ZMYND11: variants seen among roughly 807,000 people sequenced by gnomAD.
ZMYND11 encodes the protein zinc finger MYND domain-containing protein 11.
A neutral mutation model predicts 84.9 loss-of-function variants in ZMYND11; 9 were observed. The ratio of observed to expected loss-of-function variants is 0.11; its 90% CI spans 0.06 to 0.18. The LOEUF is 0.18. Ranked by LOEUF, ZMYND11 falls within the 10% of genes least tolerant of loss-of-function variation. The pLI is 1.00. For missense variants in ZMYND11, 409 were observed against 761.0 expected (o/e 0.54, Z 5.44); for synonymous variants, 250 against 244.1 (o/e 1.02, Z -0.23).
chr10:220,441 A>AT (rs1279596038), intron 3 of ZMYND11, among the ~76,000 whole-genome samples: 4 of 152,208 alleles, frequency 2.6e-5, no homozygotes, highest in African/African-American at 7.2e-5. Context: ...TATTAGCTGT[A>AT]TAAAAAAAAG....
intron 12 of ZMYND11, among the ~76,000 whole-genome samples, chr10:248,085 T>C (rs920255442): frequency 2.0e-5 from 3 of 152,224 alleles, no homozygotes; most frequent in Admixed American, 1.3e-4. Flanking sequence ...AAATTATAAA[T>C]GAAGCTTATG....
chr10:135,206 A>C (rs1319073565), upstream of ZMYND11: 1 of 150,756 alleles, frequency 6.6e-6, no homozygotes, highest in Non-Finnish European at 1.5e-5. This position sits in a 1 kb window ranked among gnomAD's most constrained non-coding sequence, Gnocchi z 5.6. Context: ...AGACGCGAGT[A>C]AGTGCGGGCG....
chr10:248,815 A>C (rs1389646747), intron 13 of ZMYND11, 88 bp from the exon 14 acceptor site: 1 of 1,487,618 alleles, frequency 6.7e-7, no homozygotes. Context: ...AAGGTACCTC[A>C]TGCAAGTTGT....
chr10:135,103 T>C (rs1253805102), upstream of ZMYND11: 1 of 149,378 alleles, frequency 6.7e-6, no homozygotes, highest in Admixed American at 6.6e-5. The surrounding 1 kb of genome is among the most constrained non-coding windows in gnomAD (Gnocchi z 5.6). Context: ...TGTGAGCGGC[T>C]GCCGCGGCTT....
intron 2 of ZMYND11, among the ~76,000 whole-genome samples, chr10:195,654 A>T (rs1941561331): frequency 6.6e-6 from 1 of 152,216 alleles, no homozygotes; most frequent in South Asian, 2.1e-4. Flanking sequence ...ATAGGCATAC[A>T]TAGGGGCCAA....
intron 1 of ZMYND11, among the ~76,000 whole-genome samples, chr10:136,265 C>T (rs555932209): frequency 6.6e-6 from 1 of 152,288 alleles, no homozygotes; most frequent in East Asian, 1.9e-4. Context: ...CCCGGACTTT[C>T]ACTTGCAGTC....
chr10:162,736 GTTTA>G (rs1416130843), intron 1 of ZMYND11, among the ~76,000 whole-genome samples: 2 of 152,132 alleles, frequency 1.3e-5, no homozygotes, highest in South Asian at 2.1e-4. Flanking sequence ...GTTTGCCAAA[GTTTA>G]TTTAAGATTT....
Position 230,472 on chromosome 10 carries a change from CAAAAAAAAAAAAAA to C in ZMYND11, c.439-6350_439-6337del, listed in dbSNP as rs59145964. On this transcript the variant is annotated intron_variant, in intron 4 of 14. Coordinates refer to ENST00000381604, the MANE Select transcript of ZMYND11 (RefSeq NM_001370100.5). ...TGGGCGACAGAGTGAGACTCAGTCT[CAAAAAAAAAAAAAA>C]AAAAAAAAAAAAAAACTACAGCCTC... is the stretch of plus-strand genomic sequence containing the variant. 2.4e-3 allele frequency among the ~76,000 whole-genome samples: 126 copies of C among 52,752 alleles called. 3 individuals carry two copies. Among genetic ancestry groups the C allele is most frequent in the African/African-American group, 9.0e-3 (113 of 12,530 alleles). The allele number at this position is 52,752 out of a possible 152,430, so 34.6% of individuals were successfully genotyped here. A position where few individuals can be genotyped will look rare whatever the true frequency, so the allele number is the denominator to read the frequency against.
rs1008791296 is a variant in ZMYND11 at position 166,784 on chromosome 10, T to C, written c.-19-13210T>C. ...ATTGAAGGCAGACCCAAGCAGATAC[T>C]TGTATGCCAGTGTTCACTGCAGTCT... On this transcript the variant is annotated intron_variant, in intron 1 of 14. Coordinates refer to ENST00000381604, the MANE Select transcript of ZMYND11 (RefSeq NM_001370100.5). 2.0e-5 allele frequency among the ~76,000 whole-genome samples: 3 copies of C among 152,242 alleles called. No individual in the cohort carries two copies. The East Asian group carries it at 5.8e-4, about 29-fold the overall frequency.
chr10:154,690 C>A (rs782407682), intron 1 of ZMYND11: 49 of 152,242 alleles, frequency 3.2e-4, no homozygotes, highest in Non-Finnish European at 6.2e-4. Context: ...AAAATAGCTA[C>A]AGCTTTTCTA....
At chr10:177,268 G>T (rs1460549867) in intron 1 of ZMYND11, among the ~76,000 whole-genome samples, 1 of 152,080 alleles carries the variant, frequency 6.6e-6, no homozygotes, top group African/African-American at 2.4e-5. Flanking sequence ...TGGTACCTTT[G>T]TAATATGCCT....
At chr10:153,702 T>A (rs1314837571) in intron 1 of ZMYND11, among the ~76,000 whole-genome samples, 3 of 152,214 alleles carry the variant, frequency 2.0e-5, no homozygotes, top group Non-Finnish European at 2.9e-5. Context: ...GCTGACCTGT[T>A]GTCCTAGGGG....
intron 1 of ZMYND11, among the ~76,000 whole-genome samples, chr10:170,362 A>T (rs537465878): frequency 1.7e-4 from 26 of 151,792 alleles, no homozygotes; most frequent in African/African-American, 4.1e-4. Flanking sequence ...TAAAATAAAA[A>T]TTTTTTCTTC....
chr10:229,629 ATAGG>A (rs1302250724), intron 4 of ZMYND11, among the ~76,000 whole-genome samples: 5 of 152,146 alleles, frequency 3.3e-5, no homozygotes, highest in African/African-American at 7.2e-5. Flanking sequence ...TTCAGGTCTA[ATAGG>A]TAGGCCATTT....
intron 4 of ZMYND11, among the ~76,000 whole-genome samples, chr10:234,285 C>T (rs757433879): frequency 6.6e-6 from 1 of 152,212 alleles, no homozygotes; most frequent in Non-Finnish European, 1.5e-5. Context: ...AGCAAGAGGC[C>T]TTGTGCTGGA....
At chr10:207,884 TG>T (rs1944474133) in intron 2 of ZMYND11, among the ~76,000 whole-genome samples, 1 of 152,170 alleles carries the variant, frequency 6.6e-6, no homozygotes, top group Non-Finnish European at 1.5e-5. Context: ...TCACGCTACC[TG>T]ACTTCAAACT....
At chr10:192,016 T>G (rs1940571762) in intron 2 of ZMYND11, among the ~76,000 whole-genome samples, 1 of 152,226 alleles carries the variant, frequency 6.6e-6, no homozygotes, top group Non-Finnish European at 1.5e-5. Context: ...GGGTTGACTT[T>G]ACTAATTTTA....
At position 152,599 on chromosome 10, in the gene ZMYND11, G is replaced by A. The variant is rs546778036; in HGVS notation, c.-20+17040G>A. ...GACCTACAAAAAGGCTTACACTCCC[G>A]CACAATAATAATGGGAGACTTTAAC... is the stretch of plus-strand genomic sequence containing the variant. On this transcript the variant is annotated intron_variant, in intron 1 of 14. Coordinates refer to ENST00000381604, the MANE Select transcript of ZMYND11 (RefSeq NM_001370100.5). 1.4e-4 allele frequency among the ~76,000 whole-genome samples: 21 copies of A among 152,134 alleles called. No homozygotes were observed. In the South Asian group the frequency reaches 4.0e-3, roughly 29 times the overall value.
chr10:241,720 GTGCTGGAGC>G (rs1350593148), intron 9 of ZMYND11, among the ~76,000 whole-genome samples: 14 of 150,136 alleles, frequency 9.3e-5, no homozygotes, highest in Non-Finnish European at 1.6e-4. Context: ...ATTCCCAGGG[GTGCTGGAGC>G]TGCTGGCTCC....
Sources: gnomAD v4.1 joint callset for allele counts (sites outside exome capture counted in the v4.1 genomes callset) on GRCh38, gnomAD v4.1.1 for gene constraint, Gnocchi (gnomAD v3.1) non-coding constraint, MANE v1.5 for transcripts, NCBI Gene and HGNC (gene_info 2026-07-23, HGNC 2026-07-21) for gene names.